DTNA: variants seen among roughly 807,000 people sequenced by gnomAD.
The protein encoded by DTNA is dystrobrevin alpha.
A neutral mutation model predicts 100.7 loss-of-function variants in DTNA; 43 were observed. The ratio of observed to expected loss-of-function variants is 0.43; its 90% CI spans 0.33 to 0.55. DTNA has a LOEUF of 0.55. DTNA is among the 20% of genes least tolerant of loss of function. The pLI, the probability that DTNA is intolerant of heterozygous loss-of-function variation, is 0.04. For missense variants in DTNA, 798 were observed against 953.9 expected (o/e 0.84, Z 2.15); for synonymous variants, 349 against 347.9 (o/e 1.00, Z -0.04).
intron 18 of DTNA, among the ~76,000 whole-genome samples, chr18:34,876,465 A>G (rs2096819883): frequency 1.3e-5 from 2 of 152,228 alleles, no homozygotes; most frequent in Non-Finnish European, 2.9e-5. Flanking sequence ...GACACCACCA[A>G]AACAAAAACA....
intron 1 of DTNA, among the ~76,000 whole-genome samples, chr18:34,506,148 G>A (rs1195871547): frequency 6.6e-6 from 1 of 152,176 alleles, no homozygotes; most frequent in African/African-American, 2.4e-5. Context: ...TCCCCATGTG[G>A]TCTCTCCACT....
At chr18:34,548,711 C>T (rs1330619311) in intron 1 of DTNA, among the ~76,000 whole-genome samples, 1 of 152,102 alleles carries the variant, frequency 6.6e-6, no homozygotes, top group African/African-American at 2.4e-5. Context: ...ATATCTGCCT[C>T]TACCTCTTGG....
intron 1 of DTNA, among the ~76,000 whole-genome samples, chr18:34,601,536 C>G (rs78586861): frequency 9.7e-4 from 148 of 152,282 alleles, no homozygotes; most frequent in African/African-American, 3.4e-3. Context: ...TTATGTAGAG[C>G]TCTGAGGAAT....
chr18:34,528,577 T>C (rs1458301356), intron 1 of DTNA, among the ~76,000 whole-genome samples: 1 of 152,080 alleles, frequency 6.6e-6, no homozygotes, highest in Non-Finnish European at 1.5e-5. Flanking sequence ...GTTGAAATGC[T>C]TTCTAAAGAG....
At chr18:34,877,920 C>T in intron 19 of DTNA, 112 bp downstream of exon 19, 1 of 987,672 alleles carries the variant, frequency 1.0e-6, no homozygotes, top group Non-Finnish European at 1.5e-6. Context: ...TTCTTTAAAG[C>T]TCTATGTGAT....
chr18:34,517,612 C>A (rs2041775133), intron 1 of DTNA, among the ~76,000 whole-genome samples: 1 of 151,296 alleles, frequency 6.6e-6, no homozygotes, highest in South Asian at 2.1e-4. Context: ...CCCTCTCCAT[C>A]CCTCCATCCC....
At chr18:34,686,309 T>G (rs2078893146) in intron 1 of DTNA, among the ~76,000 whole-genome samples, 1 of 152,216 alleles carries the variant, frequency 6.6e-6, no homozygotes, top group Admixed American at 6.5e-5. Context: ...TTGAGATATG[T>G]TCCATCAATA....
At chr18:34,828,920 T>C (rs562352096) in intron 10 of DTNA, 1 of 1,104,206 alleles carries the variant, frequency 9.1e-7, no homozygotes, top group Non-Finnish European at 1.4e-6. Context: ...TGTGCATCTA[T>C]CTAGGGAAGA....
intron 1 of DTNA, among the ~76,000 whole-genome samples, chr18:34,500,437 GTATGTGTGTGTGTA>G (rs2039771845): frequency 6.7e-6 from 1 of 150,086 alleles, no homozygotes. Flanking sequence ...GTGTGTGTGT[GTATGTGTGTGTGTA>G]TATAGTTGTT....
At chr18:34,498,737 C>T (rs906087767) in intron 1 of DTNA, among the ~76,000 whole-genome samples, 5 of 151,996 alleles carry the variant, frequency 3.3e-5, no homozygotes, top group Non-Finnish European at 7.4e-5. Context: ...GAAATCAGAA[C>T]AGCTATGTGC....
chr18:34,776,356 CAG>C (rs1262305795), intron 3 of DTNA, among the ~76,000 whole-genome samples: 2 of 152,110 alleles, frequency 1.3e-5, no homozygotes, highest in Non-Finnish European at 2.9e-5. Flanking sequence ...CTTTTTGAGA[CAG>C]AGTCTTACTC....
At chr18:34,697,882 C>G (rs1458844634) in intron 1 of DTNA, among the ~76,000 whole-genome samples, 1 of 152,166 alleles carries the variant, frequency 6.6e-6, no homozygotes, top group Non-Finnish European at 1.5e-5. Context: ...TGTTGGTGAT[C>G]ACAAAACAGG....
At chr18:34,781,687 T>C (rs2094329538) in intron 3 of DTNA, among the ~76,000 whole-genome samples, 1 of 152,216 alleles carries the variant, frequency 6.6e-6, no homozygotes, top group African/African-American at 2.4e-5. Context: ...ACAGCTATTT[T>C]CTGAATGAAT....
At chr18:34,506,814 A>C (rs141165894) in intron 1 of DTNA, among the ~76,000 whole-genome samples, 1 of 152,118 alleles carries the variant, frequency 6.6e-6, no homozygotes, top group African/African-American at 2.4e-5. Flanking sequence ...GTGTCTTTGT[A>C]TGTTTATTTA....
At chr18:34,527,950 G>T (rs895502967) in intron 1 of DTNA, among the ~76,000 whole-genome samples, 1 of 152,010 alleles carries the variant, frequency 6.6e-6, no homozygotes, top group Admixed American at 6.6e-5. Context: ...GTGCTTTTAT[G>T]CCCAGCCTTT....
intron 8 of DTNA, among the ~76,000 whole-genome samples, 164 bp from the exon 9 acceptor site, chr18:34,820,627 T>C (rs1202033295): frequency 6.6e-6 from 1 of 152,222 alleles, no homozygotes; most frequent in Admixed American, 6.5e-5. Context: ...AGGCAGCTTG[T>C]TCGGAAACTC....
intron 1 of DTNA, among the ~76,000 whole-genome samples, chr18:34,734,311 G>C (rs557893340): frequency 6.6e-6 from 1 of 152,216 alleles, no homozygotes; most frequent in South Asian, 2.1e-4. Context: ...AGGGGATGTT[G>C]ACTCTACTGG....
In DTNA at chr18:34,500,961, C is replaced by T. The variant is rs78686382; in HGVS notation, c.-2+7447C>T. On this transcript the variant is annotated intron_variant, in intron 1 of 19. Transcript: ENST00000283365. Reference sequence around the variant, plus strand: ...TATGCCTTTTGTTTCCTTTTCTTGTCCTATTGCACTGGCTAGAACTTCTGG... The same window carrying T: ...TATGCCTTTTGTTTCCTTTTCTTGTTCTATTGCACTGGCTAGAACTTCTGG... 1.2e-4 allele frequency among the ~76,000 whole-genome samples: 18 copies of T among 152,120 alleles called. No individual in the cohort carries two copies. The East Asian group carries it at 2.3e-3, about 20-fold the overall frequency.
intron 1 of DTNA, among the ~76,000 whole-genome samples, chr18:34,552,685 T>C (rs1361453387): frequency 6.6e-6 from 1 of 151,812 alleles, no homozygotes; most frequent in Admixed American, 6.6e-5. Flanking sequence ...ATTTCATCCA[T>C]GTCCCTACAA....
Sources: gnomAD v4.1 joint callset for allele counts (sites outside exome capture counted in the v4.1 genomes callset) on GRCh38, gnomAD v4.1.1 for gene constraint, MANE v1.5 for transcripts, NCBI Gene and HGNC (gene_info 2026-07-23, HGNC 2026-07-21) for gene names.